CSNK1E: variants seen among roughly 807,000 people sequenced by gnomAD.
The protein encoded by CSNK1E is casein kinase 1 epsilon.
In CSNK1E, 17 loss-of-function variants were observed where a neutral mutation model predicts 46.1. The observed-to-expected ratio is 0.37, with a 90% CI of 0.25 to 0.55. The LOEUF (loss-of-function observed/expected upper bound fraction) is 0.55. Among genes scored for constraint, CSNK1E ranks in the 20% least tolerant of loss-of-function variants. The probability of loss-of-function intolerance (pLI) is 0.82; values close to 1 mark genes in which losing one functional copy is unlikely to be tolerated. For missense variants in CSNK1E, 386 were observed against 595.4 expected, an observed-to-expected ratio of 0.65 and a Z score of 3.66; for synonymous variants, 241 against 242.6, an observed-to-expected ratio of 0.99 and a Z score of 0.06.
rs531620682 is a variant in CSNK1E, at chr22:38,302,342, A to G, written c.336+519T>C. Reference sequence around the variant, plus strand: ...TCAACACAGTGAGACCCCCATCTCTATTTCTTACAATTAAATGATATTTTT... The same window carrying G: ...TCAACACAGTGAGACCCCCATCTCTGTTTCTTACAATTAAATGATATTTTT... On this transcript the variant is annotated intron_variant, in intron 4 of 10. Transcript: ENST00000396832. Among the ~76,000 whole-genome samples, 6 of 152,292 alleles carry G rather than the reference A, an allele frequency of 3.9e-5. No individual in the cohort carries two copies. The South Asian group carries it at 1.0e-3, about 26-fold the overall frequency.
Position 38,300,796 on chromosome 22 carries a change from T to A in CSNK1E, c.493A>T (p.Ile165Phe), listed in dbSNP as rs1201390636. 1 of 1,614,228 alleles carries A rather than the reference T, an allele frequency of 6.2e-7. No homozygotes were observed. Among genetic ancestry groups the A allele is most frequent in the Admixed American group, 1.7e-5 (1 of 60,022 alleles). ...AGGTTCTTGTTTTCCCGGTAGGGAA[T>A]GTGCTGGTGGGTGCGGGCGTCCCGG... ...KYRDARTHQHIPYRENKNLTG... is the reference protein window; with the variant it reads ...KYRDARTHQHFPYRENKNLTG... Residue 165 changes from isoleucine (I) to phenylalanine (F), a missense_variant, in exon 5 of 11, where the codon ATT (isoleucine) becomes TTT (phenylalanine). Coordinates refer to ENST00000396832, the MANE Select transcript of CSNK1E (RefSeq NM_152221.3). This position sits in a 1 kb window ranked among gnomAD's most constrained non-coding sequence, Gnocchi z 4.4.
chr22:38,312,856 G>A (rs568991274), intron 2 of CSNK1E, among the ~76,000 whole-genome samples: 16 of 152,242 alleles, frequency 1.1e-4, no homozygotes, highest in African/African-American at 3.4e-4. Context: ...GACGTCTAAC[G>A]TCTCCCTCGG....
rs6001090 is a variant in CSNK1E, at chr22:38,300,173, G to C, written c.566-108C>G. Reference sequence around the variant, plus strand: ...TGCACCAGGACCCTCCTGCCCCCACGTCGGATGTTGCTCACTGCACGCATT... The same window carrying C: ...TGCACCAGGACCCTCCTGCCCCCACCTCGGATGTTGCTCACTGCACGCATT... On this transcript the variant is annotated intron_variant, in intron 5 of 10. Coordinates refer to ENST00000396832, the MANE Select transcript of CSNK1E (RefSeq NM_152221.3). This position sits in a 1 kb window ranked among gnomAD's most constrained non-coding sequence, Gnocchi z 4.4. 9.7e-7 allele frequency: 1 copy of C among 1,029,592 alleles called. No homozygotes were observed. Among genetic ancestry groups the C allele is most frequent in the Non-Finnish European group, 1.4e-6 (1 of 713,632 alleles). The allele number at this position is 1,029,592 out of a possible 1,614,324, so 63.8% of individuals were successfully genotyped here.
intron 9 of CSNK1E, 111 bp downstream of exon 9, chr22:38,293,998 A>T: frequency 3.0e-6 from 4 of 1,315,046 alleles, no homozygotes; most frequent in Non-Finnish European, 4.1e-6. Flanking sequence ...GTTCACTCCA[A>T]GGCAAGCAGC....
chr22:38,313,340 C>A (rs1416885265), intron 2 of CSNK1E, among the ~76,000 whole-genome samples: 1 of 152,218 alleles, frequency 6.6e-6, no homozygotes, highest in Non-Finnish European at 1.5e-5. Flanking sequence ...AGCCTCCACC[C>A]GCTAATCCAC....
intron 7 of CSNK1E, chr22:38,296,983 A>T (rs2092644285): frequency 1.6e-6 from 1 of 635,538 alleles, no homozygotes; most frequent in African/African-American, 1.8e-5. Context: ...CATGTTGGCC[A>T]GGCTGGTCTT....
intron 4 of CSNK1E, among the ~76,000 whole-genome samples, 196 bp downstream of exon 4, chr22:38,302,665 C>T (rs767030686): frequency 6.6e-6 from 1 of 152,162 alleles, no homozygotes; most frequent in South Asian, 2.1e-4. Context: ...GAGCTGAGAT[C>T]GCACCACTGC....
At chr22:38,296,806 C>G in intron 7 of CSNK1E, 1 of 1,312,244 alleles carries the variant, frequency 7.6e-7, no homozygotes, top group Non-Finnish European at 1.0e-6. Flanking sequence ...TCTGCCTTGC[C>G]GGATGTGGTG....
intron 7 of CSNK1E, chr22:38,296,695 A>C (rs2145830420): frequency 6.2e-7 from 1 of 1,610,888 alleles, no homozygotes. Context: ...GCCTGGTTGG[A>C]AAAGAGATCT....
intron 4 of CSNK1E, among the ~76,000 whole-genome samples, chr22:38,302,249 GT>G (rs11356671): frequency 0.83 from 126,939 of 152,168 alleles, 53,033 homozygotes; most frequent in East Asian, 0.89. Context: ...GTGATCCCGT[GT>G]TAATTCCCAT....
chr22:38,316,924 GGCCT>G (rs2092749634), intron 1 of CSNK1E: 1 of 151,808 alleles, frequency 6.6e-6, no homozygotes, highest in African/African-American at 2.4e-5. Flanking sequence ...CCGGCCGGGG[GGCCT>G]CCCCCGCGAG....
rs543436478 is a variant in CSNK1E at position 38,298,989 on chromosome 22, C to A, written c.737-55G>T. On this transcript the variant is annotated intron_variant, in intron 6 of 10. Coordinates refer to ENST00000396832, the MANE Select transcript of CSNK1E (RefSeq NM_152221.3). The surrounding 1 kb of genome is among the most constrained non-coding windows in gnomAD (Gnocchi z 4.2). ...CCACTGTGAGGCCCACGCTCCCAGA[C>A]CCCCTGCAGCCAGCACTGTCCTAGC... The A allele has an allele frequency of 4.4e-5, 71 of 1,600,996 alleles. No individual in the cohort carries two copies. In the South Asian group the frequency reaches 6.8e-4, roughly 15 times the overall value.
intron 7 of CSNK1E, chr22:38,297,838 A>C (rs914416816): frequency 2.0e-6 from 2 of 1,004,456 alleles, no homozygotes; most frequent in African/African-American, 1.7e-5. Flanking sequence ...CCCAAGAAAC[A>C]CTTCCTCAGG....
intron 10 of CSNK1E, 104 bp from the exon 11 acceptor site, chr22:38,292,042 A>G (rs2092613981): frequency 6.7e-6 from 1 of 149,668 alleles, no homozygotes; most frequent in Non-Finnish European, 1.5e-5. Context: ...GCTGGAGTGC[A>G]GTGGCACGAT....
rs770184680 is a variant in CSNK1E, at chr22:38,300,872, C to A, written c.417G>T (p.Gly139=). Residue 139 remains glycine (G), a synonymous_variant, in exon 5 of 11, where the codon GGG becomes GGT. Coordinates refer to ENST00000396832, the MANE Select transcript of CSNK1E (RefSeq NM_152221.3). This position sits in a 1 kb window ranked among gnomAD's most constrained non-coding sequence, Gnocchi z 4.4. ...TGATGTAGACCAGGTTGCCCTTCTT[C>A]CCCAGCCCCATGAGGAAGTTGTCGG... is the stretch of plus-strand genomic sequence containing the variant. ...VKPDNFLMGL[G]KKGNLVYIID... is the part of the protein sequence containing the mutation. The A allele has an allele frequency of 1.3e-5, 21 of 1,614,096 alleles. No homozygotes were observed. The highest frequency in any genetic ancestry group is 1.6e-5 in the Non-Finnish European group (19 of 1,180,040).
intron 2 of CSNK1E, among the ~76,000 whole-genome samples, chr22:38,308,426 G>A (rs573980961): frequency 3.3e-5 from 5 of 152,192 alleles, no homozygotes; most frequent in African/African-American, 1.2e-4. Flanking sequence ...AGGCAGGAGA[G>A]TGCAGCGGTT....
intron 7 of CSNK1E, chr22:38,297,770 T>A (rs921237319): frequency 5.0e-6 from 5 of 998,110 alleles, no homozygotes; most frequent in Middle Eastern, 1.0e-3. Context: ...GCAGGGCCTT[T>A]TCCACCATGG....
Position 38,297,467 on chromosome 22 carries a change from T to C in CSNK1E, c.885+1319A>G, listed in dbSNP as rs892948681. On this transcript the variant is annotated intron_variant, in intron 7 of 10. Coordinates refer to ENST00000396832, the MANE Select transcript of CSNK1E (RefSeq NM_152221.3). ...TCTGCCTGACCTCTGTGTTACTCCT[T>C]AGTGAACAAGAAACCCAGAGAGAAG... 7 of 710,114 alleles carry C rather than the reference T, an allele frequency of 9.9e-6. No individual in the cohort carries two copies. The East Asian group carries it at 1.8e-4, about 19-fold the overall frequency. The allele number at this position is 710,114 out of a possible 1,614,324, so 44.0% of individuals were successfully genotyped here. A position where few individuals can be genotyped will look rare whatever the true frequency, so the allele number is the denominator to read the frequency against.
At position 38,312,362 on chromosome 22, in the gene CSNK1E, G is replaced by A. The variant is rs536988573; in HGVS notation, c.76+1720C>T. ...TGTCTTGGCTTCCCAAAGTGCTGGC[G>A]TTACAGGTGTGAGCCACCGCACCTG... On this transcript the variant is annotated intron_variant, in intron 2 of 10. Coordinates refer to ENST00000396832, the MANE Select transcript of CSNK1E (RefSeq NM_152221.3). 1.2e-4 allele frequency among the ~76,000 whole-genome samples: 18 copies of A among 152,278 alleles called. No individual in the cohort carries two copies. In the South Asian group the frequency reaches 2.9e-3, roughly 25 times the overall value.
Sources: allele counts gnomAD v4.1 joint callset (sites outside exome capture counted in the v4.1 genomes callset), GRCh38; gene constraint gnomAD v4.1.1; non-coding constraint Gnocchi (gnomAD v3.1); transcripts MANE v1.5; gene names NCBI Gene and HGNC (gene_info 2026-07-23, HGNC 2026-07-21).